TRIT1: variants seen among roughly 807,000 people sequenced by gnomAD.
TRIT1 encodes tRNA dimethylallyltransferase.
A neutral mutation model predicts 51.2 loss-of-function variants in TRIT1; 43 were observed. That is an observed-to-expected ratio of 0.84 (90% confidence interval 0.66 to 1.08). The LOEUF (loss-of-function observed/expected upper bound fraction) is 1.08, where lower values mean the gene tolerates loss of function less well. TRIT1 is among the 50% of genes least tolerant of loss of function. The probability of loss-of-function intolerance (pLI) is 0.00; values close to 1 mark genes in which losing one functional copy is unlikely to be tolerated. For synonymous variants in TRIT1, 184 were observed against 203.9 expected, an observed-to-expected ratio of 0.90 and a Z score of 0.83; for missense variants, 528 against 578.4, an observed-to-expected ratio of 0.91 and a Z score of 0.89.
Position 39,844,620 on chromosome 1 carries a change from G to A in TRIT1, c.1027C>T (p.Pro343Ser), listed in dbSNP as rs1642120998. The change falls in exon 9 of 11, where the codon CCT becomes TCT. Residue 343 changes from proline to serine, a missense_variant. Around this residue, in one of 3 missense-constraint regions of TRIT1, gnomAD observed 468 missense variants for 522.6 expected, o/e 0.90. Transcript: ENST00000316891. ...FLSRPGPIVP[P>S]VYGLEVSDVS... Reference sequence around the variant, plus strand: ...TCAGATACCTCTAAGCCATAGACAGGGGGGACAATGGGACCAGGTCCTAAT... The same window carrying A: ...TCAGATACCTCTAAGCCATAGACAGAGGGGACAATGGGACCAGGTCCTAAT... The A allele has an allele frequency of 2.5e-6, 4 of 1,613,488 alleles. No individual in the cohort carries two copies. The highest frequency in any genetic ancestry group is 1.7e-6 in the Non-Finnish European group (2 of 1,179,520).
At chr1:39,843,663 GAGT>G (rs1371984000) in intron 10 of TRIT1, among the ~76,000 whole-genome samples, 1 of 152,096 alleles carries the variant, frequency 6.6e-6, no homozygotes, top group Non-Finnish European at 1.5e-5. Flanking sequence ...CCACACTCAG[GAGT>G]AGTAACTCTA....
chr1:39,864,282 T>A (rs1476060505), intron 1 of TRIT1, among the ~76,000 whole-genome samples: 1 of 151,816 alleles, frequency 6.6e-6, no homozygotes, highest in East Asian at 1.9e-4. Context: ...AATGATGCAC[T>A]CTGGTCTAGC....
chr1:39,874,476 AATAGT>A (rs1452425532), intron 1 of TRIT1, among the ~76,000 whole-genome samples: 1 of 152,172 alleles, frequency 6.6e-6, no homozygotes, highest in Non-Finnish European at 1.5e-5. Context: ...AAGAAAATAG[AATAGT>A]ATCTAACCTC....
At chr1:39,862,532 T>G (rs1204746736) in intron 1 of TRIT1, among the ~76,000 whole-genome samples, 3 of 152,218 alleles carry the variant, frequency 2.0e-5, no homozygotes, top group Non-Finnish European at 2.9e-5. Context: ...TAATTATGTG[T>G]TTTTATGGGT....
intron 1 of TRIT1, among the ~76,000 whole-genome samples, chr1:39,857,916 T>TACACA (rs1319700655): frequency 6.6e-6 from 1 of 152,220 alleles, no homozygotes; most frequent in Non-Finnish European, 1.5e-5. Context: ...ATATAAAACA[T>TACACA]ACACATACAC....
chr1:39,847,298 C>T lies in TRIT1; in HGVS notation c.929-1G>A. 1.9e-6 allele frequency: 3 copies of T among 1,613,474 alleles called. No individual in the cohort carries two copies. Among genetic ancestry groups the T allele is most frequent in the Non-Finnish European group, 2.5e-6 (3 of 1,179,426 alleles). On this transcript the variant is annotated splice_acceptor_variant, in intron 7 of 10. Coordinates refer to ENST00000316891, the MANE Select transcript of TRIT1 (RefSeq NM_017646.6). LOFTEE classifies it high-confidence loss of function. ...GTTACTTGTTTCAGAGCCTCAATAC[C>T]TGAAAGATACAGTAGATTTAAGAAC...
chr1:39,872,237 CAG>C (rs1643903483), intron 1 of TRIT1, among the ~76,000 whole-genome samples: 1 of 151,890 alleles, frequency 6.6e-6, no homozygotes, highest in Non-Finnish European at 1.5e-5. Context: ...TTAAAATAAC[CAG>C]AATATCTGGG....
chr1:39,863,152 T>C (rs534941541), intron 1 of TRIT1, among the ~76,000 whole-genome samples: 2 of 152,306 alleles, frequency 1.3e-5, no homozygotes, highest in South Asian at 4.1e-4. Context: ...TGCAACATGT[T>C]AGTTATGAAA....
intron 2 of TRIT1, among the ~76,000 whole-genome samples, chr1:39,856,360 T>C (rs1165698363): frequency 6.6e-6 from 1 of 151,936 alleles, no homozygotes; most frequent in Non-Finnish European, 1.5e-5. Flanking sequence ...GGTAAGCACC[T>C]GTAGTCCCAG....
At chr1:39,852,924 A>T in intron 3 of TRIT1, 48 bp from the exon 4 acceptor site, 1 of 1,586,364 alleles carries the variant, frequency 6.3e-7, no homozygotes. Context: ...CAACACTGAG[A>T]CAGTGTATGT....
intron 10 of TRIT1, among the ~76,000 whole-genome samples, chr1:39,843,690 C>G (rs1447553436): frequency 6.6e-6 from 1 of 152,172 alleles, no homozygotes; most frequent in African/African-American, 2.4e-5. Context: ...CCTGCCCCCT[C>G]CCAGCTATGC....
intron 10 of TRIT1, among the ~76,000 whole-genome samples, chr1:39,842,684 C>A (rs998501921): frequency 1.5e-4 from 23 of 152,172 alleles, no homozygotes; most frequent in Non-Finnish European, 2.9e-4. Context: ...CTATCCTGTT[C>A]TTTTTTCAAG....
chr1:39,848,177 T>C (rs1333742), intron 5 of TRIT1, 80 bp from the exon 6 acceptor site: 179,244 of 990,706 alleles, frequency 0.18, 19,214 homozygotes, highest in Non-Finnish European at 0.21. Flanking sequence ...GAACAGGTGG[T>C]CACAAAAAAA....
chr1:39,855,840 C>G (rs931149611), intron 2 of TRIT1, among the ~76,000 whole-genome samples: 2 of 152,176 alleles, frequency 1.3e-5, no homozygotes, highest in African/African-American at 4.8e-5. Flanking sequence ...CACCCTTCTA[C>G]TCTTTGGGCC....
At chr1:39,860,204 T>C (rs1643155191) in intron 1 of TRIT1, among the ~76,000 whole-genome samples, 2 of 152,232 alleles carry the variant, frequency 1.3e-5, no homozygotes, top group Non-Finnish European at 2.9e-5. Flanking sequence ...AAACTGTAAC[T>C]CATAAAAGTA....
intron 1 of TRIT1, among the ~76,000 whole-genome samples, chr1:39,865,903 AAAAG>A (rs1275777677): frequency 2.6e-5 from 4 of 151,182 alleles, no homozygotes; most frequent in Admixed American, 6.6e-5. Context: ...AAAGAAAAGA[AAAAG>A]AAAGGAAGGA....
chr1:39,875,351 G>A (rs1644015164), intron 1 of TRIT1, among the ~76,000 whole-genome samples: 1 of 152,086 alleles, frequency 6.6e-6, no homozygotes, highest in Non-Finnish European at 1.5e-5. Context: ...AGCCAGGCGT[G>A]GTGGCATGCG....
In TRIT1 at chr1:39,847,567, A is replaced by T. The variant is rs1166592246; in HGVS notation, c.909T>A (p.Ser303Arg). 1.9e-6 allele frequency: 3 copies of T among 1,614,236 alleles called. No homozygotes were observed. The South Asian group carries it at 3.3e-5, about 18-fold the overall frequency. The change falls in exon 7 of 11, where the codon AGT (serine) becomes AGA (arginine). Residue 303 changes from serine to arginine, a missense_variant. By Grantham distance (110) the Ser-to-Arg change is moderately radical (BLOSUM62 -1). Transcript: ENST00000316891. ...TCACACCTTTCTTTAGAAGCTGGTT[A>T]CTAGTCTCCAGTGTGCATTTTCCCT... The part of the protein sequence containing the change: ...ITEGKCTLET[S>R]NQLLKKGIEA...
intron 4 of TRIT1, among the ~76,000 whole-genome samples, chr1:39,852,047 T>A (rs11801899): frequency 0.011 from 1,729 of 152,090 alleles, 21 homozygotes; most frequent in African/African-American, 0.04. Flanking sequence ...AGGAAAAATA[T>A]CAAATTCATT....
Sources: gnomAD v4.1 joint callset for allele counts (sites outside exome capture counted in the v4.1 genomes callset) on GRCh38, gnomAD v4.1.1 for gene constraint, gnomAD v4.1.1 regional missense constraint, MANE v1.5 for transcripts, NCBI Gene and HGNC (gene_info 2026-07-23, HGNC 2026-07-21) for gene names.